Variants in FBXL17 observed in about 807,000 individuals in gnomAD.
FBXL17 encodes F-box and leucine rich repeat protein 17, also known as F-box/LRR-repeat protein 17.
Under a neutral mutation model 66.2 loss-of-function variants are expected in FBXL17, and 22 were observed. That is an observed-to-expected ratio of 0.33 (90% CI 0.24 to 0.47). FBXL17 has a LOEUF of 0.47. Ranked by LOEUF, FBXL17 falls within the 20% of genes least tolerant of loss-of-function variation. FBXL17 has a pLI of 1.00. For synonymous variants in FBXL17, 474 were observed against 400.5 expected, an observed-to-expected ratio of 1.18 and a Z score of -2.19; for missense variants, 878 against 948.2, an observed-to-expected ratio of 0.93 and a Z score of 0.97.
chr5:108,230,605 C>T lies in FBXL17; in HGVS notation c.1507-6377G>A, dbSNP rs116698130. 3.3e-3 allele frequency among the ~76,000 whole-genome samples: 498 copies of T among 152,086 alleles called. 3 individuals are homozygous for T. The highest frequency in any genetic ancestry group is 0.012 in the African/African-American group (483 of 41,468). On this transcript the variant is annotated intron_variant, in intron 4 of 8. Coordinates refer to ENST00000542267, the MANE Select transcript of FBXL17 (RefSeq NM_001163315.3). ...GAGGGGGGTAAGGGATAAAAGACTA[C>T]ATATTGGGTTCAGTGTATACTGCTC...
chr5:108,256,265 T>C (rs777271891), intron 4 of FBXL17, among the ~76,000 whole-genome samples: 1 of 152,202 alleles, frequency 6.6e-6, no homozygotes, highest in African/African-American at 2.4e-5. Context: ...TTAAGTACTA[T>C]GCCTTCTAAA....
intron 7 of FBXL17, among the ~76,000 whole-genome samples, chr5:107,946,008 T>G (rs1019937411): frequency 2.6e-5 from 4 of 151,780 alleles, no homozygotes; most frequent in Admixed American, 2.6e-4. Flanking sequence ...ATAGAGATTT[T>G]AAAGCACACA....
intron 5 of FBXL17, among the ~76,000 whole-genome samples, chr5:108,211,794 GATTA>G (rs1295241159): frequency 6.6e-6 from 1 of 152,076 alleles, no homozygotes; most frequent in African/African-American, 2.4e-5. Flanking sequence ...TGAATCTGAT[GATTA>G]TGTGTCTTGG....
intron 6 of FBXL17, among the ~76,000 whole-genome samples, chr5:108,022,918 T>C (rs1286395114): frequency 1.3e-5 from 2 of 152,048 alleles, no homozygotes; most frequent in African/African-American, 4.8e-5. Flanking sequence ...GCATCAGGTT[T>C]CCCCGCTATT....
chr5:107,859,309 T>C lies in FBXL17; in HGVS notation c.*2411A>G, dbSNP rs1748055438. 2 of 151,588 alleles carry C rather than the reference T, an allele frequency of 1.3e-5. No individual in the cohort carries two copies. The highest frequency in any genetic ancestry group is 1.3e-4 in the Admixed American group (2 of 15,216). The allele number at this position is 151,588 out of a possible 1,614,324, so 9.4% of individuals were successfully genotyped here. ...TCTATATTGCCCAGAAAAATTATTTTAAGCCTCATTTCAAAGCATCTAATG... is the reference window on the plus strand; with the variant it reads ...TCTATATTGCCCAGAAAAATTATTTCAAGCCTCATTTCAAAGCATCTAATG... On this transcript the variant is annotated 3_prime_UTR_variant, in exon 9 of 9. Coordinates refer to ENST00000542267, the MANE Select transcript of FBXL17 (RefSeq NM_001163315.3).
intron 6 of FBXL17, among the ~76,000 whole-genome samples, chr5:108,086,451 G>A (rs944090473): frequency 1.3e-5 from 2 of 152,282 alleles, no homozygotes; most frequent in African/African-American, 2.4e-5. Context: ...CCCTGGGTTT[G>A]TGGGTCTTGA....
In FBXL17 at chr5:108,265,333, A is replaced by C. The variant is rs996159424; in HGVS notation, c.1507-41105T>G. ...TTTAAAGATATTAATACAATTCTTA[A>C]ATCTAGACAACTGACCCAATTAATC... is the stretch of plus-strand genomic sequence containing the variant. On this transcript the variant is annotated intron_variant, in intron 4 of 8. Coordinates refer to ENST00000542267, the MANE Select transcript of FBXL17 (RefSeq NM_001163315.3). Among the ~76,000 whole-genome samples the C allele has an allele frequency of 1.6e-4, 24 of 152,276 alleles. 1 individual carries two copies. The highest frequency in any genetic ancestry group is 4.8e-4 in the African/African-American group (20 of 41,576).
intron 4 of FBXL17, among the ~76,000 whole-genome samples, chr5:108,318,141 C>T (rs1759456891): frequency 6.6e-6 from 1 of 151,454 alleles, no homozygotes; most frequent in African/African-American, 2.4e-5. Flanking sequence ...AGAAAAAAAC[C>T]CATGTGCACA....
In FBXL17 at chr5:108,009,096, ATTTT is replaced by A. The variant is rs550628506; in HGVS notation, c.1822+11825_1822+11828del. Among the ~76,000 whole-genome samples, 139 of 147,416 alleles carry A rather than the reference ATTTT, an allele frequency of 9.4e-4. 2 individuals carry two copies. The highest frequency in any genetic ancestry group is 7.9e-3 in the East Asian group (39 of 4,960). The stretch of plus-strand genomic sequence containing the variant: ...CAGTACATAGCTAGTTTTCCACACA[ATTTT>A]TTTTCTCTGCTTCTAAGAATTATTT... On this transcript the variant is annotated intron_variant, in intron 7 of 8. Transcript: ENST00000542267.
chr5:108,090,020 G>A (rs1223245632), intron 6 of FBXL17, among the ~76,000 whole-genome samples: 3 of 152,046 alleles, frequency 2.0e-5, no homozygotes, highest in Admixed American at 1.3e-4. Context: ...TAGAGATGGG[G>A]TTTAGCCATG....
chr5:108,043,845 A>T (rs1747142835), intron 6 of FBXL17, among the ~76,000 whole-genome samples: 1 of 152,154 alleles, frequency 6.6e-6, no homozygotes, highest in Non-Finnish European at 1.5e-5. Context: ...CCATCAGCAA[A>T]GTACATCTTT....
At position 108,035,099 on chromosome 5, in the gene FBXL17, C is replaced by G. The variant is rs139438940; in HGVS notation, c.1746-14098G>C. Among the ~76,000 whole-genome samples the G allele has an allele frequency of 1.2e-4, 18 of 152,262 alleles. No homozygotes were observed. The East Asian group carries it at 3.1e-3, about 26-fold the overall frequency. On this transcript the variant is annotated intron_variant, in intron 6 of 8. Coordinates refer to ENST00000542267, the MANE Select transcript of FBXL17 (RefSeq NM_001163315.3). The stretch of plus-strand genomic sequence containing the variant: ...TGTTTTCAAATTTAAAGAAATTGAT[C>G]TCTCAGTGTGTAGTTATGTACCTTT...
At chr5:108,015,640 G>C (rs754211229) in intron 7 of FBXL17, among the ~76,000 whole-genome samples, 22 of 152,148 alleles carry the variant, frequency 1.4e-4, no homozygotes, top group Non-Finnish European at 2.9e-4. Flanking sequence ...ATCAGTGCTA[G>C]TCTGGCAACA....
intron 6 of FBXL17, among the ~76,000 whole-genome samples, chr5:108,030,601 C>T (rs1275678584): frequency 6.6e-6 from 1 of 152,088 alleles, no homozygotes; most frequent in East Asian, 1.9e-4. Context: ...ACTGTTCTGT[C>T]TGCATAATCA....
intron 7 of FBXL17, among the ~76,000 whole-genome samples, chr5:107,915,515 T>C (rs964899658): frequency 6.6e-5 from 10 of 152,094 alleles, no homozygotes; most frequent in African/African-American, 2.4e-4. Context: ...CTGGAAAAAA[T>C]ACACAACAGT....
At chr5:108,051,193 T>C (rs1038912297) in intron 6 of FBXL17, among the ~76,000 whole-genome samples, 1 of 152,102 alleles carries the variant, frequency 6.6e-6, no homozygotes, top group Admixed American at 6.5e-5. Context: ...CTGAAACTAT[T>C]CCAAACAATT....
intron 6 of FBXL17, among the ~76,000 whole-genome samples, chr5:108,163,435 C>T (rs1266450800): frequency 7.9e-6 from 1 of 127,036 alleles, no homozygotes; most frequent in Non-Finnish European, 1.6e-5. Context: ...GAGTCTTGGT[C>T]TGTCGCCCAG....
At chr5:108,050,530 A>C (rs552948625) in intron 6 of FBXL17, among the ~76,000 whole-genome samples, 2 of 151,752 alleles carry the variant, frequency 1.3e-5, no homozygotes, top group South Asian at 4.2e-4. Context: ...AAAAAAGAGA[A>C]TCTCTGGGGC....
At chr5:107,957,935 A>G (rs1182685789) in intron 7 of FBXL17, among the ~76,000 whole-genome samples, 2 of 152,154 alleles carry the variant, frequency 1.3e-5, no homozygotes, top group East Asian at 3.8e-4. Context: ...ACACAGGCAA[A>G]GTATCCTTAA....
Sources: gnomAD v4.1 joint callset for allele counts (sites outside exome capture counted in the v4.1 genomes callset) on GRCh38, gnomAD v4.1.1 for gene constraint, MANE v1.5 for transcripts, NCBI Gene and HGNC (gene_info 2026-07-23, HGNC 2026-07-21) for gene names.